Variants in ABCA12 observed in about 807,000 individuals in gnomAD.
The protein encoded by ABCA12 is ATP binding cassette subfamily A member 12.
Under a neutral mutation model 293.5 loss-of-function variants are expected in ABCA12, and 156 were observed. That is an observed-to-expected ratio of 0.53 (90% CI 0.47 to 0.61). The LOEUF is 0.61. ABCA12 is among the 20% of genes least tolerant of loss of function. ABCA12 has a pLI of 0.00. For missense variants in ABCA12, 2,797 were observed against 3,090.2 expected, an observed-to-expected ratio of 0.91 and a Z score of 2.25; for synonymous variants, 1,063 against 1,108.0, an observed-to-expected ratio of 0.96 and a Z score of 0.81.
chr2:215,135,886 C>A (rs1044246787), intron 1 of ABCA12, among the ~76,000 whole-genome samples: 1 of 152,126 alleles, frequency 6.6e-6, no homozygotes, highest in African/African-American at 2.4e-5. Context: ...CATGGAGAGA[C>A]AGAGCTGACC....
At chr2:214,994,263 A>G (rs1699988717) in intron 23 of ABCA12, among the ~76,000 whole-genome samples, 1 of 151,918 alleles carries the variant, frequency 6.6e-6, no homozygotes, top group Non-Finnish European at 1.5e-5. Flanking sequence ...GTTCCTCCTC[A>G]AAGTGACAGA....
Position 214,953,873 on chromosome 2 carries a change from AT to A in ABCA12, c.6627del (p.Glu2209AspfsTer3), listed in dbSNP as rs1698856308. 6.2e-7 allele frequency: 1 copy of A among 1,613,942 alleles called. No homozygotes were observed. Among genetic ancestry groups the A allele is most frequent in the Non-Finnish European group, 8.5e-7 (1 of 1,179,940 alleles). On this transcript the variant is annotated frameshift_variant, in exon 44 of 53. Transcript: ENST00000272895. LOFTEE classifies it high-confidence loss of function. The part of the protein sequence containing the change: ...MFFSLRLLIN[E>X]SLIKKLRLFF... ...ATTTACCTGAGTTTCTTTATCAGGGATTCGTTGATTAAGAGTCGCAAGGAAA... is the reference window on the plus strand; with the variant it reads ...ATTTACCTGAGTTTCTTTATCAGGGATCGTTGATTAAGAGTCGCAAGGAAA...
At chr2:215,060,130 T>C (rs1287405970) in intron 3 of ABCA12, among the ~76,000 whole-genome samples, 2 of 152,104 alleles carry the variant, frequency 1.3e-5, no homozygotes, top group Admixed American at 1.3e-4. Flanking sequence ...TCACCATTTG[T>C]TGTCTAATAT....
intron 33 of ABCA12, among the ~76,000 whole-genome samples, chr2:214,976,404 T>A (rs187730366): frequency 1.3e-5 from 2 of 152,344 alleles, no homozygotes; most frequent in East Asian, 3.9e-4. Context: ...CAGTATATAT[T>A]ACTAATACTC....
At chr2:214,962,979 G>A (rs1211992616) in intron 39 of ABCA12, 1 of 151,934 alleles carries the variant, frequency 6.6e-6, no homozygotes, top group Non-Finnish European at 1.5e-5. Flanking sequence ...CAGAGCTCAA[G>A]TTGATAACCT....
At chr2:215,069,254 C>T (rs1310208223) in intron 2 of ABCA12, among the ~76,000 whole-genome samples, 1 of 150,160 alleles carries the variant, frequency 6.7e-6, no homozygotes, top group Non-Finnish European at 1.5e-5. Flanking sequence ...TCTTTGGATA[C>T]AGGGTCACAG....
intron 2 of ABCA12, among the ~76,000 whole-genome samples, chr2:215,064,695 AC>A (rs1701606050): frequency 5.6e-5 from 1 of 17,884 alleles, no homozygotes; most frequent in Non-Finnish European, 1.2e-4. Flanking sequence ...TAATACACGC[AC>A]ACACACACAC....
intron 23 of ABCA12, among the ~76,000 whole-genome samples, chr2:214,997,335 A>C (rs1321616249): frequency 6.6e-6 from 1 of 152,196 alleles, no homozygotes; most frequent in African/African-American, 2.4e-5. Context: ...TTTAGTTACC[A>C]TGCCAACAAT....
intron 7 of ABCA12, chr2:215,044,467 T>G (rs890206604): frequency 6.6e-6 from 1 of 152,174 alleles, no homozygotes; most frequent in Non-Finnish European, 1.5e-5. Context: ...CCTGTTTGCT[T>G]CCTAAGACAG....
At position 215,019,448 on chromosome 2, in the gene ABCA12, C is replaced by T. The variant is rs763371334; in HGVS notation, c.1545G>A (p.Gln515=). The part of the protein sequence containing the change: ...DPSKINLNMD[Q]FLEQALQMNY... ...TCATTTGCAGTGCCTGTTCTAGAAACCTGGAACAAAACAGAAAAGAAGAAA... is the reference window on the plus strand; with the variant it reads ...TCATTTGCAGTGCCTGTTCTAGAAATCTGGAACAAAACAGAAAAGAAGAAA... The change falls in exon 13 of 53, where the codon CAG becomes CAA. Residue 515 remains glutamine (Q), a splice_region_variant and synonymous_variant. Transcript: ENST00000272895. The T allele has an allele frequency of 2.5e-6, 4 of 1,612,928 alleles. No individual in the cohort carries two copies. The South Asian group carries it at 4.4e-5, about 18-fold the overall frequency.
intron 31 of ABCA12, 54 bp from the exon 32 acceptor site, chr2:214,979,094 T>C (rs200851968): frequency 1.3e-6 from 2 of 1,502,516 alleles, no homozygotes; most frequent in Non-Finnish European, 1.9e-6. Flanking sequence ...ACTATAGTGC[T>C]CCAGGCCCTA....
chr2:214,951,214 G>A, intron 44 of ABCA12, 131 bp from the exon 45 acceptor site: 1 of 820,304 alleles, frequency 1.2e-6, no homozygotes, highest in East Asian at 2.6e-5. Flanking sequence ...CATTTGTAAT[G>A]AATTATGCTA....
At chr2:215,102,244 A>G (rs949486439) in intron 2 of ABCA12, among the ~76,000 whole-genome samples, 6 of 152,238 alleles carry the variant, frequency 3.9e-5, no homozygotes, top group Non-Finnish European at 7.3e-5. Flanking sequence ...AAAAATCTAT[A>G]AACATTTAAA....
At chr2:215,127,797 T>C (rs1254811838) in intron 1 of ABCA12, among the ~76,000 whole-genome samples, 1 of 152,200 alleles carries the variant, frequency 6.6e-6, no homozygotes, top group Non-Finnish European at 1.5e-5. Flanking sequence ...TCATTGTTGG[T>C]ATTGAAATAT....
chr2:215,134,288 G>GTA (rs71399173), intron 1 of ABCA12, among the ~76,000 whole-genome samples: 645 of 121,658 alleles, frequency 5.3e-3, no homozygotes, highest in African/African-American at 0.023. Flanking sequence ...GTGTATATAT[G>GTA]TATATGTACA....
chr2:215,047,256 A>G (rs138195910), intron 6 of ABCA12, among the ~76,000 whole-genome samples: 2 of 152,306 alleles, frequency 1.3e-5, no homozygotes, highest in African/African-American at 4.8e-5. Flanking sequence ...TTTAAAGACT[A>G]ATGTATGCAA....
intron 19 of ABCA12, among the ~76,000 whole-genome samples, chr2:215,006,523 T>A (rs1342683803): frequency 6.6e-6 from 1 of 152,210 alleles, no homozygotes; most frequent in East Asian, 1.9e-4. Context: ...TATGCATTAA[T>A]TCTTAGTCAA....
At chr2:215,071,622 A>C (rs988745031) in intron 2 of ABCA12, among the ~76,000 whole-genome samples, 3 of 152,214 alleles carry the variant, frequency 2.0e-5, no homozygotes, top group African/African-American at 7.2e-5. Context: ...CTATTTCCAC[A>C]TCTCCCAAAT....
At chr2:215,027,345 C>CA (rs1161249454) in intron 9 of ABCA12, among the ~76,000 whole-genome samples, 27 of 148,690 alleles carry the variant, frequency 1.8e-4, no homozygotes, top group East Asian at 7.9e-4. Flanking sequence ...GACTCCATCT[C>CA]AAAAAAAAAG....
Sources: allele counts gnomAD v4.1 joint callset (sites outside exome capture counted in the v4.1 genomes callset), GRCh38; gene constraint gnomAD v4.1.1; transcripts MANE v1.5; gene names NCBI Gene and HGNC (gene_info 2026-07-23, HGNC 2026-07-21).